Variants in PLEKHA8 observed in about 807,000 individuals in gnomAD.
The protein encoded by PLEKHA8 is pleckstrin homology domain containing A8.
A neutral mutation model predicts 68.2 loss-of-function variants in PLEKHA8; 36 were observed. The observed-to-expected ratio is 0.53, with a 90% CI of 0.40 to 0.70. The LOEUF is 0.70. PLEKHA8 is among the 30% of genes least tolerant of loss of function. The pLI, the probability that PLEKHA8 is intolerant of heterozygous loss-of-function variation, is 0.00. For missense variants in PLEKHA8, 505 were observed against 615.4 expected (o/e 0.82, Z 1.90); for synonymous variants, 211 against 216.1 (o/e 0.98, Z 0.20).
chr7:30,109,630 T>A (rs1796201992), intron 13 of PLEKHA8, among the ~76,000 whole-genome samples: 2 of 144,598 alleles, frequency 1.4e-5, no homozygotes, highest in African/African-American at 2.5e-5. Context: ...GAGATTAACA[T>A]TGTGTAACTA....
At chr7:30,033,832 A>G (rs1790838897) in intron 1 of PLEKHA8, among the ~76,000 whole-genome samples, 2 of 152,130 alleles carry the variant, frequency 1.3e-5, no homozygotes, top group Non-Finnish European at 2.9e-5. Flanking sequence ...TAGTATAGCT[A>G]TCCTAGTAGT....
intron 13 of PLEKHA8, among the ~76,000 whole-genome samples, chr7:30,098,654 T>C (rs1240686594): frequency 6.6e-6 from 1 of 152,208 alleles, no homozygotes; most frequent in Non-Finnish European, 1.5e-5. Context: ...TAATCTCCTG[T>C]TGTGCCGTTT....
chr7:30,107,157 C>T (rs1307216546), intron 13 of PLEKHA8, among the ~76,000 whole-genome samples: 1 of 151,978 alleles, frequency 6.6e-6, no homozygotes, highest in Non-Finnish European at 1.5e-5. Flanking sequence ...ATCTTCCTAC[C>T]AATGAATATA....
Position 30,082,897 on chromosome 7 carries a change from A to T in PLEKHA8, c.*4110A>T, listed in dbSNP as rs1795013041. ...TGGAGGAAAATTAAGTTTTTTTCCT[A>T]GCAAACTACCATGTCCTACAAGAAC... is the stretch of plus-strand genomic sequence containing the variant. On this transcript the variant is annotated 3_prime_UTR_variant, in exon 14 of 14. Coordinates refer to ENST00000449726, the MANE Select transcript of PLEKHA8 (RefSeq NM_001197026.2). 1 of 985,268 alleles carries T rather than the reference A, an allele frequency of 1.0e-6. No homozygotes were observed. The highest frequency in any genetic ancestry group is 1.7e-5 in the African/African-American group (1 of 57,242). The allele number at this position is 985,268 out of a possible 1,614,324, so 61.0% of individuals were successfully genotyped here.
At chr7:30,036,890 A>T (rs184881159) in intron 1 of PLEKHA8, among the ~76,000 whole-genome samples, 7 of 152,296 alleles carry the variant, frequency 4.6e-5, no homozygotes, top group Admixed American at 4.6e-4. Flanking sequence ...AACTGTTACA[A>T]TGAGGAGTGT....
At chr7:30,127,021 T>C (rs983370418) in intron 13 of PLEKHA8, among the ~76,000 whole-genome samples, 6 of 152,256 alleles carry the variant, frequency 3.9e-5, no homozygotes, top group Admixed American at 3.9e-4. Flanking sequence ...TCCAGAAACT[T>C]ACTGAGTCTC....
downstream of PLEKHA8, among the ~76,000 whole-genome samples, chr7:30,091,591 T>C (rs957066415): frequency 1.3e-5 from 2 of 152,178 alleles, no homozygotes; most frequent in Non-Finnish European, 2.9e-5. Flanking sequence ...GGACATTCTT[T>C]TGGGGCTAAA....
At chr7:30,117,631 G>C (rs866996752) in intron 13 of PLEKHA8, among the ~76,000 whole-genome samples, 1 of 152,154 alleles carries the variant, frequency 6.6e-6, no homozygotes. Context: ...TTGAGCCCAG[G>C]AGTTCAAGGC....
chr7:30,077,422 G>A (rs1369590509), intron 13 of PLEKHA8, among the ~76,000 whole-genome samples: 1 of 152,006 alleles, frequency 6.6e-6, no homozygotes, highest in Non-Finnish European at 1.5e-5. Flanking sequence ...TTTCCCACTC[G>A]CTTGTACTTT....
At chr7:30,100,100 T>C (rs761608781) in intron 13 of PLEKHA8, among the ~76,000 whole-genome samples, 26 of 152,256 alleles carry the variant, frequency 1.7e-4, no homozygotes, top group Middle Eastern at 3.4e-3. Context: ...GTGTCTGTTG[T>C]CTTCATGTGT....
At chr7:30,117,977 CA>C in intron 13 of PLEKHA8, 1 of 1,531,224 alleles carries the variant, frequency 6.5e-7, no homozygotes, top group Non-Finnish European at 8.7e-7. Context: ...CAGGGACACA[CA>C]AATGTCTGAT....
At chr7:30,104,925 A>T (rs1194893572) in intron 13 of PLEKHA8, among the ~76,000 whole-genome samples, 1 of 151,500 alleles carries the variant, frequency 6.6e-6, no homozygotes. Flanking sequence ...GTTTCACCAT[A>T]TTGGCAAGGC....
chr7:30,071,543 G>A (rs1001542180), intron 12 of PLEKHA8, among the ~76,000 whole-genome samples: 3 of 152,154 alleles, frequency 2.0e-5, no homozygotes, highest in African/African-American at 7.2e-5. Flanking sequence ...AGCAGTTATT[G>A]ACTTATACAA....
intron 1 of PLEKHA8, among the ~76,000 whole-genome samples, chr7:30,041,435 T>G (rs1226924455): frequency 6.6e-6 from 1 of 151,476 alleles, no homozygotes; most frequent in Admixed American, 6.6e-5. Context: ...TTTTTTTTTT[T>G]TTTTGAGACA....
At chr7:30,031,557 G>A (rs1028099927) in intron 1 of PLEKHA8, among the ~76,000 whole-genome samples, 1 of 152,138 alleles carries the variant, frequency 6.6e-6, no homozygotes, top group Admixed American at 6.5e-5. Context: ...AAGATGCAGG[G>A]GTGTGCGGGA....
intron 13 of PLEKHA8, among the ~76,000 whole-genome samples, chr7:30,100,894 G>GA: frequency 6.6e-6 from 1 of 152,226 alleles, no homozygotes; most frequent in Non-Finnish European, 1.5e-5. Flanking sequence ...GATCAATGTA[G>GA]AAAAGTAAAT....
At chr7:30,100,995 G>T (rs1193127841) in intron 13 of PLEKHA8, among the ~76,000 whole-genome samples, 2 of 152,072 alleles carry the variant, frequency 1.3e-5, no homozygotes, top group Non-Finnish European at 2.9e-5. Flanking sequence ...TTCAACACCA[G>T]CCTGGCCAAC....
At position 30,061,919 on chromosome 7, in the gene PLEKHA8, C is replaced by G. The variant is rs920535941; in HGVS notation, c.1121C>G (p.Thr374Ser). 1.2e-6 allele frequency: 2 copies of G among 1,613,850 alleles called. No individual in the cohort carries two copies. Among genetic ancestry groups the G allele is most frequent in the African/African-American group, 2.7e-5 (2 of 74,890 alleles). Residue 374 changes from threonine to serine, a missense_variant, in exon 11 of 14, where the codon ACC becomes AGC. Physicochemically the swap from Thr to Ser is moderately conservative, Grantham distance 58. Coordinates refer to ENST00000449726, the MANE Select transcript of PLEKHA8 (RefSeq NM_001197026.2). ...CAGAAAGTAAATCAGAAGTATATAA[C>G]CAACAAAGAAGAGTTTACCACTCTC... ...NIKKVNQKYI[T>S]NKEEFTTLQK...
chr7:30,061,181 T>G (rs1388808454), intron 10 of PLEKHA8, among the ~76,000 whole-genome samples: 1 of 152,248 alleles, frequency 6.6e-6, no homozygotes, highest in East Asian at 1.9e-4. Flanking sequence ...AAACCAGGAC[T>G]GCCTTTTCAT....
Sources: allele counts gnomAD v4.1 joint callset (sites outside exome capture counted in the v4.1 genomes callset), GRCh38; gene constraint gnomAD v4.1.1; transcripts MANE v1.5; gene names NCBI Gene and HGNC (gene_info 2026-07-23, HGNC 2026-07-21).